DAB1: variants seen among roughly 807,000 people sequenced by gnomAD.
DAB1 encodes disabled homolog 1.
A neutral mutation model predicts 64.6 loss-of-function variants in DAB1; 15 were observed. The observed-to-expected ratio is 0.23, with a 90% CI of 0.16 to 0.36. The LOEUF is 0.36. Among genes scored for constraint, DAB1 ranks in the 10% least tolerant of loss-of-function variants. DAB1 has a pLI of 1.00. For synonymous variants in DAB1, 235 were observed against 251.9 expected (o/e 0.93, Z 0.64); for missense variants, 596 against 706.7 (o/e 0.84, Z 1.78).
At chr1:58,211,359 G>C (rs1315313621) in intron 4 of DAB1, among the ~76,000 whole-genome samples, 1 of 152,118 alleles carries the variant, frequency 6.6e-6, no homozygotes, top group Non-Finnish European at 1.5e-5. Flanking sequence ...AGTTCTTCCA[G>C]AAATTTTCTC....
intron 7 of DAB1, among the ~76,000 whole-genome samples, chr1:57,626,919 T>G (rs1286465440): frequency 6.6e-6 from 1 of 152,166 alleles, no homozygotes; most frequent in Non-Finnish European, 1.5e-5. Context: ...AAACATCAAC[T>G]TTCAGTCCTT....
Position 57,016,071 on chromosome 1 carries a change from A to C in DAB1, c.896-640T>G, listed in dbSNP as rs540965840. 2.6e-5 allele frequency among the ~76,000 whole-genome samples: 4 copies of C among 152,300 alleles called. No homozygotes were observed. In the East Asian group the frequency reaches 5.8e-4, roughly 22 times the overall value. ...CCTTCTATCTCACTGGGTTGATTTG[A>C]AGATTAATTGATAGTACATATTTAA... On this transcript the variant is annotated intron_variant, in intron 11 of 14. Coordinates refer to ENST00000371236, the MANE Select transcript of DAB1 (RefSeq NM_001365792.1).
At chr1:57,070,517 G>C (rs1171770040) in intron 7 of DAB1, among the ~76,000 whole-genome samples, 2 of 152,198 alleles carry the variant, frequency 1.3e-5, no homozygotes, top group East Asian at 3.9e-4. Flanking sequence ...CCTCCCAACA[G>C]CTCCTATGGC....
chr1:58,121,748 CAG>C (rs2100673684), intron 5 of DAB1, among the ~76,000 whole-genome samples: 1 of 152,248 alleles, frequency 6.6e-6, no homozygotes, highest in South Asian at 2.1e-4. Flanking sequence ...CAAGATGTGT[CAG>C]AAACATTTGT....
chr1:58,277,326 C>T (rs941869922), intron 4 of DAB1, among the ~76,000 whole-genome samples: 1 of 152,142 alleles, frequency 6.6e-6, no homozygotes, highest in African/African-American at 2.4e-5. Flanking sequence ...AGGCGTGACC[C>T]ACCGCGCCCA....
intron 6 of DAB1, among the ~76,000 whole-genome samples, chr1:57,726,491 G>C (rs1240862406): frequency 1.3e-5 from 2 of 152,182 alleles, no homozygotes; most frequent in Admixed American, 6.5e-5. Context: ...AGGCCACAGA[G>C]AAAGGCAGGT....
intron 1 of DAB1, among the ~76,000 whole-genome samples, chr1:57,830,786 T>C (rs990185681): frequency 6.6e-6 from 1 of 152,238 alleles, no homozygotes; most frequent in Non-Finnish European, 1.5e-5. Context: ...TCTAGGAGTC[T>C]AGATTTTTAG....
chr1:57,522,433 G>A (rs1309855187), intron 7 of DAB1, among the ~76,000 whole-genome samples: 2 of 152,148 alleles, frequency 1.3e-5, no homozygotes, highest in African/African-American at 4.8e-5. Context: ...TAAAATATAA[G>A]ACCTCAACCC....
At chr1:58,258,898 T>G (rs570488050) in intron 4 of DAB1, among the ~76,000 whole-genome samples, 17 of 152,300 alleles carry the variant, frequency 1.1e-4, no homozygotes, top group African/African-American at 3.6e-4. Flanking sequence ...AAAATCAAAG[T>G]GCTCTGAGTT....
At chr1:58,250,613 G>A (rs1210962778) in intron 4 of DAB1, among the ~76,000 whole-genome samples, 1 of 152,182 alleles carries the variant, frequency 6.6e-6, no homozygotes, top group Non-Finnish European at 1.5e-5. Context: ...GCTGCTGCAG[G>A]AAGAGGTGGC....
intron 5 of DAB1, among the ~76,000 whole-genome samples, chr1:57,913,890 T>A (rs1334239290): frequency 7.9e-5 from 12 of 152,202 alleles, no homozygotes; most frequent in Admixed American, 1.3e-4. Context: ...CAAAACCACA[T>A]TGAGATACCA....
rs925105719 is a variant in DAB1 at position 57,850,015 on chromosome 1, C to T, written n.88-23560G>A. On this transcript the variant is annotated intron_variant and non_coding_transcript_variant, in intron 1 of 1. Coordinates refer to the DAB1 transcript ENST00000477280. ...ACAGCAAGGTTGACATTGGACTCAA[C>T]AGCTAGGTCTCTGTTGACATAGGTG... 2.6e-5 allele frequency among the ~76,000 whole-genome samples: 4 copies of T among 152,238 alleles called. No homozygotes were observed. In the East Asian group the frequency reaches 7.7e-4, roughly 29 times the overall value.
chr1:57,826,854 T>G (rs1652371771), intron 1 of DAB1, among the ~76,000 whole-genome samples: 1 of 152,160 alleles, frequency 6.6e-6, no homozygotes, highest in Admixed American at 6.5e-5. Flanking sequence ...TCCTTCTTAT[T>G]CACATAGAGA....
At chr1:57,621,863 CA>C (rs1000751990) in intron 7 of DAB1, among the ~76,000 whole-genome samples, 8 of 152,130 alleles carry the variant, frequency 5.3e-5, no homozygotes, top group African/African-American at 1.9e-4. Context: ...TTGAACTAAC[CA>C]GTTGCTTGAC....
chr1:57,045,440 GT>G (rs2100499469), intron 9 of DAB1, among the ~76,000 whole-genome samples: 1 of 152,324 alleles, frequency 6.6e-6, no homozygotes, highest in South Asian at 2.1e-4. Context: ...GCTCATGCCT[GT>G]AATCCTAGCA....
At chr1:57,201,565 T>C (rs1382500417) in intron 2 of DAB1, among the ~76,000 whole-genome samples, 1 of 152,026 alleles carries the variant, frequency 6.6e-6, no homozygotes. Context: ...TACGATTTGA[T>C]GTGTACCCTA....
intron 5 of DAB1, among the ~76,000 whole-genome samples, chr1:57,950,667 T>G (rs1217659050): frequency 3.9e-5 from 6 of 152,196 alleles, no homozygotes; most frequent in Non-Finnish European, 7.3e-5. Flanking sequence ...CTTTGCATAT[T>G]CTATTCCCTC....
At chr1:57,826,894 A>G (rs1652373866) in intron 1 of DAB1, among the ~76,000 whole-genome samples, 1 of 152,236 alleles carries the variant, frequency 6.6e-6, no homozygotes, top group Non-Finnish European at 1.5e-5. Context: ...GAAAAAAATT[A>G]GTAATAGTGT....
intron 4 of DAB1, among the ~76,000 whole-genome samples, chr1:58,169,119 A>G (rs1301837244): frequency 1.3e-5 from 2 of 152,208 alleles, no homozygotes; most frequent in African/African-American, 4.8e-5. Context: ...TTCTTGGGCC[A>G]GAGGTGTTTC....
Sources: gnomAD v4.1 joint callset for allele counts (sites outside exome capture counted in the v4.1 genomes callset) on GRCh38, gnomAD v4.1.1 for gene constraint, MANE v1.5 for transcripts, NCBI Gene and HGNC (gene_info 2026-07-23, HGNC 2026-07-21) for gene names.